RAC2: variants seen among roughly 807,000 people sequenced by gnomAD.
RAC2 encodes the protein Rac family small GTPase 2, also known as ras-related C3 botulinum toxin substrate 2.
A neutral mutation model predicts 24.0 loss-of-function variants in RAC2; 1 was observed. That is an observed-to-expected ratio of 0.04 (90% CI 0.01 to 0.20). RAC2 has a LOEUF of 0.20. RAC2 is among the 10% of genes least tolerant of loss of function. RAC2 has a pLI of 1.00. For missense variants in RAC2, 130 were observed against 259.1 expected, an observed-to-expected ratio of 0.50 and a Z score of 3.42; for synonymous variants, 114 against 106.8, an observed-to-expected ratio of 1.07 and a Z score of -0.41.
chr22:37,232,707 G>C (rs1472720150), intron 3 of RAC2, 94 bp downstream of exon 3: 2 of 1,069,532 alleles, frequency 1.9e-6, no homozygotes, highest in African/African-American at 3.1e-5. Flanking sequence ...GGAGAGGTAG[G>C]GTTTCCCAGG....
rs540493148 is a variant in RAC2 at position 37,232,761 on chromosome 22, A to G, written c.225+40T>C. 193 of 1,536,634 alleles carry G rather than the reference A, an allele frequency of 1.3e-4. 4 individuals carry two copies. The South Asian group carries it at 2.0e-3, about 16-fold the overall frequency. On this transcript the variant is annotated intron_variant, in intron 3 of 6. Coordinates refer to ENST00000249071, the MANE Select transcript of RAC2 (RefSeq NM_002872.5). ...CATCCCAAGCAGAGGGAACAGAGACAGCAAAGGTCAGGACTGCAAGGCAGG... is the reference window on the plus strand; with the variant it reads ...CATCCCAAGCAGAGGGAACAGAGACGGCAAAGGTCAGGACTGCAAGGCAGG...
At chr22:37,230,232 G>C (rs1927016200) in intron 5 of RAC2, among the ~76,000 whole-genome samples, 1 of 150,106 alleles carries the variant, frequency 6.7e-6, no homozygotes, top group Non-Finnish European at 1.5e-5. Flanking sequence ...AGAGATGTGA[G>C]TCCCCAGGGC....
intron 3 of RAC2, 98 bp from the exon 4 acceptor site, chr22:37,232,092 G>T: frequency 3.2e-6 from 4 of 1,231,994 alleles, no homozygotes; most frequent in Non-Finnish European, 4.7e-6. Flanking sequence ...CCTGAGGGTG[G>T]AACACCCCAG....
Position 37,232,797 on chromosome 22 carries a change from A to G in RAC2, c.225+4T>C. On this transcript the variant is annotated splice_donor_region_variant and intron_variant, in intron 3 of 6. Transcript: ENST00000249071. ...GGACTGCAAGGCAGGTGGGAGCAGC[A>G]CACCGTCTGTGGATAGGAGAGCGGC... 6.2e-7 allele frequency: 1 copy of G among 1,609,294 alleles called. No homozygotes were observed. Among genetic ancestry groups the G allele is most frequent in the Non-Finnish European group, 8.5e-7 (1 of 1,175,982 alleles).
At chr22:37,241,696 G>C (rs1453167861) in intron 1 of RAC2, 38 bp from the exon 2 acceptor site, 3 of 1,575,178 alleles carry the variant, frequency 1.9e-6, no homozygotes, top group Admixed American at 3.3e-5. Flanking sequence ...GCGGTCATGG[G>C]CTCTGCCGGA....
chr22:37,233,019 A>G, intron 2 of RAC2, 101 bp from the exon 3 acceptor site: 2 of 901,290 alleles, frequency 2.2e-6, no homozygotes, highest in Non-Finnish European at 3.7e-6. Flanking sequence ...TGAGACCTAG[A>G]GACAGTCTGC....
At chr22:37,228,689 T>G (rs1926960488) in intron 5 of RAC2, among the ~76,000 whole-genome samples, 1 of 149,830 alleles carries the variant, frequency 6.7e-6, no homozygotes. Flanking sequence ...AGGCCCAGAG[T>G]GGGGAAGCCA....
chr22:37,238,497 C>T (rs1313998868), intron 2 of RAC2, among the ~76,000 whole-genome samples: 1 of 152,218 alleles, frequency 6.6e-6, no homozygotes. Context: ...GCCTCAGCCT[C>T]CCAAAGTGCT....
chr22:37,226,739 C>T lies in RAC2; in HGVS notation c.513G>A (p.Glu171=), dbSNP rs765502233. 7 of 1,613,044 alleles carry T rather than the reference C, an allele frequency of 4.3e-6. No homozygotes were observed. In the South Asian group the frequency reaches 7.7e-5, roughly 18 times the overall value. ...TQRGLKTVFD[E]AIRAVLCPQP... is the part of the protein sequence containing the mutation. ...GAGGGCACAGCACGGCCCGGATGGC[C>T]TCGTCGAACACGGTTTTCAGGCCTC... The change falls in exon 6 of 7, where the codon GAG becomes GAA. Residue 171 remains glutamate, a synonymous_variant. Coordinates refer to ENST00000249071, the MANE Select transcript of RAC2 (RefSeq NM_002872.5).
chr22:37,239,883 T>A (rs1927336668), intron 2 of RAC2, among the ~76,000 whole-genome samples: 1 of 152,172 alleles, frequency 6.6e-6, no homozygotes, highest in Non-Finnish European at 1.5e-5. Context: ...CCCTTGGCAC[T>A]TAGAGGCACC....
chr22:37,226,212 C>T (rs573992200), intron 6 of RAC2, among the ~76,000 whole-genome samples, 173 bp from the exon 7 acceptor site: 182 of 152,118 alleles, frequency 1.2e-3, no homozygotes, highest in African/African-American at 4.0e-3. Context: ...TCCTTCTGGT[C>T]CCACACCTCC....
Position 37,228,190 on chromosome 22 carries a change from G to A in RAC2, c.449-1387C>T, listed in dbSNP as rs754740198. 9.2e-5 allele frequency among the ~76,000 whole-genome samples: 14 copies of A among 152,288 alleles called. No individual in the cohort carries two copies. In the East Asian group the frequency reaches 1.5e-3, roughly 17 times the overall value. On this transcript the variant is annotated intron_variant, in intron 5 of 6. Transcript: ENST00000249071. ...GTATGCGACTCATCCAAACTCACAC[G>A]CTGGATGTATTCCCTCAACCTGGGC...
At chr22:37,242,486 G>A (rs541601244) in intron 1 of RAC2, among the ~76,000 whole-genome samples, 9 of 152,266 alleles carry the variant, frequency 5.9e-5, no homozygotes, top group Middle Eastern at 3.4e-3. Flanking sequence ...GGCTGGGAGC[G>A]GGTGCAGGTA....
intron 6 of RAC2, among the ~76,000 whole-genome samples, 193 bp from the exon 7 acceptor site, chr22:37,226,232 T>C (rs1926831592): frequency 6.6e-6 from 1 of 151,866 alleles, no homozygotes. Context: ...CAGGAGGCCT[T>C]GTGGGCTGCC....
In RAC2 at chr22:37,238,721, G is replaced by A. The variant is rs140073815; in HGVS notation, c.107+2866C>T. ...GAGCAGACTCAGGCTCCCCATCTGC[G>A]AAACGGGGGATTTGATGCAAAGAAC... is the stretch of plus-strand genomic sequence containing the variant. On this transcript the variant is annotated intron_variant, in intron 2 of 6. Coordinates refer to ENST00000249071, the MANE Select transcript of RAC2 (RefSeq NM_002872.5). 4.3e-3 allele frequency among the ~76,000 whole-genome samples: 648 copies of A among 152,314 alleles called. 4 individuals are homozygous for A. The highest frequency in any genetic ancestry group is 0.015 in the African/African-American group (624 of 41,566).
At chr22:37,236,648 G>C (rs1265461900) in intron 2 of RAC2, among the ~76,000 whole-genome samples, 1 of 152,180 alleles carries the variant, frequency 6.6e-6, no homozygotes, top group East Asian at 1.9e-4. Context: ...GTGGAGGAGG[G>C]GAATGGGGCA....
At chr22:37,236,501 G>A (rs553644596) in intron 2 of RAC2, among the ~76,000 whole-genome samples, 8 of 152,400 alleles carry the variant, frequency 5.2e-5, no homozygotes, top group Non-Finnish European at 1.0e-4. Context: ...AGCAAGGCTA[G>A]ATCCTGTTAC....
rs1168049663 is a variant in RAC2, at chr22:37,231,395, G to A, written c.289-5C>T. 1.9e-6 allele frequency: 3 copies of A among 1,613,984 alleles called. No homozygotes were observed. Among genetic ancestry groups the A allele is most frequent in the Non-Finnish European group, 2.5e-6 (3 of 1,179,996 alleles). On this transcript the variant is annotated splice_region_variant and splice_polypyrimidine_tract_variant and intron_variant, in intron 4 of 6. Transcript: ENST00000249071. This position sits in a 1 kb window ranked among gnomAD's most constrained non-coding sequence, Gnocchi z 5.5. Reference sequence around the variant, plus strand: ...GTGCCGCACTTCTGGGAACCACTGGGCAGGTGGGTGGGGGGACACAAGGTT... The same window carrying A: ...GTGCCGCACTTCTGGGAACCACTGGACAGGTGGGTGGGGGGACACAAGGTT...
intron 2 of RAC2, 54 bp from the exon 3 acceptor site, chr22:37,232,972 G>A (rs1927116307): frequency 7.4e-7 from 1 of 1,358,872 alleles, no homozygotes; most frequent in Admixed American, 1.7e-5. Context: ...CCAGAACCTG[G>A]GAATTGTGGT....
Sources: allele counts gnomAD v4.1 joint callset (sites outside exome capture counted in the v4.1 genomes callset), GRCh38; gene constraint gnomAD v4.1.1; non-coding constraint Gnocchi (gnomAD v3.1); transcripts MANE v1.5; gene names NCBI Gene and HGNC (gene_info 2026-07-23, HGNC 2026-07-21).